The following TNRC6B variants were observed in gnomAD, a reference collection of about 807,000 sequenced individuals.
TNRC6B encodes trinucleotide repeat-containing gene 6B protein.
Under a neutral mutation model 203.6 loss-of-function variants are expected in TNRC6B, and 52 were observed. The ratio of observed to expected loss-of-function variants is 0.26; its 90% CI spans 0.20 to 0.32. The LOEUF (loss-of-function observed/expected upper bound fraction) is 0.32, where lower values mean the gene tolerates loss of function less well. Among genes scored for constraint, TNRC6B ranks in the 10% least tolerant of loss-of-function variants. The pLI is 1.00. For synonymous variants in TNRC6B, 838 were observed against 845.7 expected (o/e 0.99, Z 0.16); for missense variants, 1,923 against 2,286.2 (o/e 0.84, Z 3.24).
intron 1 of TNRC6B, among the ~76,000 whole-genome samples, chr22:40,193,508 G>A (rs2069299572): frequency 6.6e-6 from 1 of 152,172 alleles, no homozygotes; most frequent in African/African-American, 2.4e-5. Flanking sequence ...AGAGAGGTAA[G>A]CATTGAAGGC....
intron 1 of TNRC6B, among the ~76,000 whole-genome samples, chr22:40,107,345 A>T (rs1218226692): frequency 6.6e-6 from 1 of 152,210 alleles, no homozygotes; most frequent in Non-Finnish European, 1.5e-5. Context: ...AAAAATTTTT[A>T]AATATTCTAT....
chr22:40,300,678 T>C (rs1258120970), intron 13 of TNRC6B, 92 bp downstream of exon 13: 21 of 1,482,468 alleles, frequency 1.4e-5, no homozygotes, highest in Non-Finnish European at 1.7e-5. Context: ...TTTGCCACTT[T>C]CTATGTTCAA....
chr22:40,103,461 A>G (rs559076598), intron 1 of TNRC6B, among the ~76,000 whole-genome samples: 1 of 152,260 alleles, frequency 6.6e-6, no homozygotes, highest in East Asian at 1.9e-4. Context: ...TTCATTGAGC[A>G]CAATATTTTT....
intron 1 of TNRC6B, among the ~76,000 whole-genome samples, chr22:40,240,251 G>A (rs899493352): frequency 2.0e-5 from 3 of 152,210 alleles, no homozygotes; most frequent in Non-Finnish European, 2.9e-5. Flanking sequence ...CTCAAGAGTA[G>A]TTTGGCTTTT....
At chr22:40,308,486 A>G (rs1437672150) in intron 15 of TNRC6B, 26 bp from the exon 16 acceptor site, 1 of 1,613,760 alleles carries the variant, frequency 6.2e-7, no homozygotes, top group South Asian at 1.1e-5. Flanking sequence ...CTGGAGACTT[A>G]TAAAATGTGG....
At chr22:40,321,327 T>C (rs1314684517) in intron 22 of TNRC6B, 98 bp downstream of exon 22, 15 of 1,406,722 alleles carry the variant, frequency 1.1e-5, no homozygotes, top group South Asian at 2.6e-5. Flanking sequence ...CCAGAACATA[T>C]ACGAAGAATG....
intron 21 of TNRC6B, among the ~76,000 whole-genome samples, chr22:40,317,033 T>G (rs1344066498): frequency 2.0e-5 from 3 of 152,110 alleles, no homozygotes; most frequent in African/African-American, 7.2e-5. Flanking sequence ...AAGGGAGTAT[T>G]TTAAGGACAC....
chr22:40,296,309 A>G (rs1401637808), intron 12 of TNRC6B, among the ~76,000 whole-genome samples: 1 of 151,322 alleles, frequency 6.6e-6, no homozygotes. Context: ...ACTATAAGAA[A>G]TTGAGGAGAA....
chr22:40,129,668 A>G (rs1293368346), intron 3 of TNRC6B, among the ~76,000 whole-genome samples: 2 of 152,170 alleles, frequency 1.3e-5, no homozygotes, highest in Admixed American at 6.5e-5. Context: ...AGGATATGAG[A>G]AAACTTTCTA....
intron 2 of TNRC6B, among the ~76,000 whole-genome samples, chr22:40,125,394 G>A (rs1337689192): frequency 6.6e-6 from 1 of 152,174 alleles, no homozygotes; most frequent in Non-Finnish European, 1.5e-5. Context: ...ACCTGCAGGG[G>A]CGGAACAACA....
chr22:40,058,176 T>C (rs7291858), intron 1 of TNRC6B, among the ~76,000 whole-genome samples: 6,706 of 152,206 alleles, frequency 0.044, 448 homozygotes, highest in African/African-American at 0.14. Context: ...TTATGCCCCA[T>C]ACCCCAGTAT....
At chr22:40,262,205 G>T in intron 4 of TNRC6B, 32 bp downstream of exon 4, 2 of 1,346,110 alleles carry the variant, frequency 1.5e-6, no homozygotes, top group South Asian at 4.4e-5. Flanking sequence ...ATGCATGGCA[G>T]CTTGACAGAG....
intron 1 of TNRC6B, among the ~76,000 whole-genome samples, chr22:40,213,339 G>A (rs113103202): frequency 2.0e-5 from 3 of 152,082 alleles, no homozygotes; most frequent in Admixed American, 6.5e-5. Context: ...CAGAGGAGGC[G>A]GCACCCTCAG....
chr22:40,071,788 T>A (rs924683438), intron 1 of TNRC6B, among the ~76,000 whole-genome samples: 1 of 152,258 alleles, frequency 6.6e-6, no homozygotes, highest in African/African-American at 2.4e-5. Flanking sequence ...TTTTCTGTGT[T>A]AACTGGCAGT....
chr22:40,152,240 C>T (rs2068764637), intron 3 of TNRC6B, among the ~76,000 whole-genome samples: 1 of 152,214 alleles, frequency 6.6e-6, no homozygotes, highest in Non-Finnish European at 1.5e-5. Context: ...TACTGAGCTT[C>T]TGTGTAGCAG....
At chr22:40,318,269 C>T (rs141134088) in intron 21 of TNRC6B, among the ~76,000 whole-genome samples, 11 of 152,240 alleles carry the variant, frequency 7.2e-5, no homozygotes, top group Non-Finnish European at 1.0e-4. Flanking sequence ...AAGTTACGGC[C>T]GGGCACGGTG....
At chr22:40,290,351 G>T (rs959581695) in intron 12 of TNRC6B, among the ~76,000 whole-genome samples, 1 of 152,250 alleles carries the variant, frequency 6.6e-6, no homozygotes, top group Non-Finnish European at 1.5e-5. Flanking sequence ...CAAAAGGCAG[G>T]TTGTGTTACT....
intron 1 of TNRC6B, among the ~76,000 whole-genome samples, chr22:40,201,643 C>T (rs1050822825): frequency 2.0e-5 from 3 of 151,798 alleles, no homozygotes; most frequent in Non-Finnish European, 4.4e-5. Context: ...CTGTGTTGCC[C>T]AGGCTGGTGG....
intron 1 of TNRC6B, among the ~76,000 whole-genome samples, chr22:40,229,324 AG>A (rs2146447707): frequency 6.6e-6 from 1 of 152,300 alleles, no homozygotes; most frequent in Non-Finnish European, 1.5e-5. Flanking sequence ...TTGTGATCTT[AG>A]GGAACAGTGT....
Sources: gnomAD v4.1 joint callset for allele counts (sites outside exome capture counted in the v4.1 genomes callset) on GRCh38, gnomAD v4.1.1 for gene constraint, MANE v1.5 for transcripts, NCBI Gene and HGNC (gene_info 2026-07-23, HGNC 2026-07-21) for gene names.